Variants in MYT1L observed in about 807,000 individuals in gnomAD.
MYT1L encodes myelin transcription factor 1 like, also known as myelin transcription factor 1-like protein.
In MYT1L, 12 loss-of-function variants were observed where a neutral mutation model predicts 126.7. The ratio of observed to expected loss-of-function variants is 0.09; its 90% CI spans 0.06 to 0.15. MYT1L has a LOEUF of 0.15. Among genes scored for constraint, MYT1L ranks in the 10% least tolerant of loss-of-function variants. The pLI is 1.00. For synonymous variants in MYT1L, 541 were observed against 604.2 expected, an observed-to-expected ratio of 0.90 and a Z score of 1.53; for missense variants, 979 against 1,585.2, an observed-to-expected ratio of 0.62 and a Z score of 6.49.
At chr2:1,998,478 C>T (rs1002363650) in intron 4 of MYT1L, among the ~76,000 whole-genome samples, 1 of 152,160 alleles carries the variant, frequency 6.6e-6, no homozygotes, top group African/African-American at 2.4e-5. Context: ...CCACCTTGTC[C>T]ACTTCTGCTG....
intron 9 of MYT1L, among the ~76,000 whole-genome samples, chr2:1,938,406 G>C (rs1193905882): frequency 6.6e-6 from 1 of 152,162 alleles, no homozygotes; most frequent in African/African-American, 2.4e-5. Context: ...GGATAACAAG[G>C]GGATTTTTAA....
At chr2:1,825,983 C>T (rs941845937) in intron 21 of MYT1L, 4 of 152,320 alleles carry the variant, frequency 2.6e-5, no homozygotes, top group African/African-American at 4.8e-5. Flanking sequence ...GGCTGTGTGG[C>T]CAGGACCTGG....
Position 2,144,439 on chromosome 2 carries a change from G to A in MYT1L, c.-304+28433C>T, listed in dbSNP as rs114679715. On this transcript the variant is annotated intron_variant, in intron 3 of 24. Coordinates refer to ENST00000647738, the MANE Select transcript of MYT1L (RefSeq NM_001303052.2). ...TGTGCTGGAAAACTAGGCATAAATG[G>A]AATTGTTCACAGTAACTTATTGTTC... Among the ~76,000 whole-genome samples the A allele has an allele frequency of 5.2e-3, 786 of 152,316 alleles. 10 individuals are homozygous for A. The highest frequency in any genetic ancestry group is 0.018 in the African/African-American group (761 of 41,574).
chr2:1,930,739 C>T (rs1376943057), intron 9 of MYT1L, among the ~76,000 whole-genome samples: 1 of 152,160 alleles, frequency 6.6e-6, no homozygotes, highest in East Asian at 1.9e-4. Context: ...TATGATTTCC[C>T]TATTGCTTAT....
rs191689340 is a variant in MYT1L at position 2,049,961 on chromosome 2, A to G, written c.-158+4017T>C. On this transcript the variant is annotated intron_variant, in intron 4 of 24. Coordinates refer to ENST00000647738, the MANE Select transcript of MYT1L (RefSeq NM_001303052.2). ...AACTTATATACGTGTGTGTGTGTGT[A>G]TATATATATATATAAATATGTATAT... Among the ~76,000 whole-genome samples, 1,193 of 144,874 alleles carry G rather than the reference A, an allele frequency of 8.2e-3. 14 individuals carry two copies. The highest frequency in any genetic ancestry group is 0.031 in the African/African-American group (1,119 of 36,658).
At chr2:1,831,876 A>AC (rs891685748) in intron 21 of MYT1L, among the ~76,000 whole-genome samples, 1 of 151,912 alleles carries the variant, frequency 6.6e-6, no homozygotes, top group Non-Finnish European at 1.5e-5. Context: ...CCCGGGGTGA[A>AC]CCTGCAGGGT....
At position 2,054,135 on chromosome 2, in the gene MYT1L, C is replaced by T. The variant is rs2069172339; in HGVS notation, c.-303-12G>A. 1 of 152,604 alleles carries T rather than the reference C, an allele frequency of 6.6e-6. No individual in the cohort carries two copies. The highest frequency in any genetic ancestry group is 2.4e-5 in the African/African-American group (1 of 41,444). The allele number at this position is 152,604 out of a possible 1,614,324, so 9.5% of individuals were successfully genotyped here. ...CAGATGTGGCCACTCTAGAGAAGAA[C>T]AAAAAGGCAGAATAATGAGGCTGAT... On this transcript the variant is annotated splice_polypyrimidine_tract_variant and intron_variant, in intron 3 of 24. Coordinates refer to ENST00000647738, the MANE Select transcript of MYT1L (RefSeq NM_001303052.2).
intron 2 of MYT1L, among the ~76,000 whole-genome samples, chr2:2,241,163 C>T (rs943750936): frequency 1.3e-5 from 2 of 152,086 alleles, no homozygotes; most frequent in South Asian, 4.1e-4. Context: ...AATAAAGTAA[C>T]AAGCTCATAG....
chr2:1,857,304 A>G (rs948512565), intron 18 of MYT1L, among the ~76,000 whole-genome samples: 12 of 152,210 alleles, frequency 7.9e-5, no homozygotes, highest in Admixed American at 2.6e-4. Flanking sequence ...ATTTTTTTTA[A>G]AAGTCTTCTA....
At chr2:2,050,882 G>A (rs192681870) in intron 4 of MYT1L, among the ~76,000 whole-genome samples, 12 of 152,260 alleles carry the variant, frequency 7.9e-5, no homozygotes, top group African/African-American at 2.9e-4. Context: ...AATTCCTGGA[G>A]TCTACAGTTG....
chr2:2,277,530 C>T (rs2095381605), intron 2 of MYT1L, among the ~76,000 whole-genome samples: 1 of 152,204 alleles, frequency 6.6e-6, no homozygotes, highest in African/African-American at 2.4e-5. Context: ...CATACATGCT[C>T]ATGTTGCCAC....
intron 3 of MYT1L, among the ~76,000 whole-genome samples, chr2:2,163,861 G>A (rs1195893425): frequency 2.0e-5 from 3 of 152,116 alleles, no homozygotes; most frequent in African/African-American, 7.2e-5. Flanking sequence ...AGTGGTCCAT[G>A]ACAAAGAGGA....
intron 10 of MYT1L, among the ~76,000 whole-genome samples, chr2:1,918,626 A>G (rs2053169325): frequency 6.6e-6 from 1 of 152,216 alleles, no homozygotes; most frequent in African/African-American, 2.4e-5. Flanking sequence ...AAATGCCATC[A>G]TGTTCATATA....
chr2:1,864,564 C>T (rs2045204235), intron 18 of MYT1L, among the ~76,000 whole-genome samples: 1 of 152,158 alleles, frequency 6.6e-6, no homozygotes, highest in South Asian at 2.1e-4. Flanking sequence ...AGTCGCCGTC[C>T]CCAGGCTGAG....
chr2:1,813,261 T>G (rs930740432), intron 21 of MYT1L, among the ~76,000 whole-genome samples: 4 of 151,780 alleles, frequency 2.6e-5, no homozygotes, highest in African/African-American at 9.7e-5. Flanking sequence ...TGTTTGCGCC[T>G]GAACCCCCTC....
At chr2:2,205,113 G>A (rs2093261049) in intron 2 of MYT1L, among the ~76,000 whole-genome samples, 2 of 133,530 alleles carry the variant, frequency 1.5e-5, no homozygotes, top group South Asian at 2.8e-4. Flanking sequence ...GGCCTGTTGT[G>A]GGGTGGGGTG....
At chr2:2,159,228 C>T (rs2087361309) in intron 3 of MYT1L, among the ~76,000 whole-genome samples, 3 of 152,114 alleles carry the variant, frequency 2.0e-5, no homozygotes, top group Middle Eastern at 3.2e-3. Flanking sequence ...GGAAGGGAGG[C>T]AGCATACTAG....
At chr2:2,254,915 TA>T (rs2094764628) in intron 2 of MYT1L, among the ~76,000 whole-genome samples, 1 of 152,224 alleles carries the variant, frequency 6.6e-6, no homozygotes, top group South Asian at 2.1e-4. Context: ...AAATGATCTA[TA>T]TTTTTTCTCG....
chr2:2,184,628 CTCA>C (rs886584740), intron 2 of MYT1L, among the ~76,000 whole-genome samples: 1 of 152,138 alleles, frequency 6.6e-6, no homozygotes, highest in Non-Finnish European at 1.5e-5. Flanking sequence ...AGGAATAACA[CTCA>C]TCTGAGCAAG....
Sources: gnomAD v4.1 joint callset for allele counts (sites outside exome capture counted in the v4.1 genomes callset) on GRCh38, gnomAD v4.1.1 for gene constraint, MANE v1.5 for transcripts, NCBI Gene and HGNC (gene_info 2026-07-23, HGNC 2026-07-21) for gene names.